Variants in MTOR observed in about 807,000 individuals in gnomAD.
MTOR encodes serine/threonine-protein kinase mTOR.
Under a neutral mutation model 319.8 loss-of-function variants are expected in MTOR, and 70 were observed. The ratio of observed to expected loss-of-function variants is 0.22; its 90% CI spans 0.18 to 0.27. The LOEUF is 0.27. Among genes scored for constraint, MTOR ranks in the 10% least tolerant of loss-of-function variants. The pLI is 1.00. For synonymous variants in MTOR, 1,183 were observed against 1,211.4 expected (o/e 0.98, Z 0.49); for missense variants, 1,890 against 3,274.4 (o/e 0.58, Z 10.32).
chr1:11,194,901 T>G, intron 28 of MTOR: 2 of 1,614,166 alleles, frequency 1.2e-6, no homozygotes, highest in South Asian at 2.2e-5. Context: ...CAATGGAGTG[T>G]ACTACCGCCT....
At chr1:11,152,871 C>T (rs1644195686) in intron 30 of MTOR, among the ~76,000 whole-genome samples, 2 of 152,194 alleles carry the variant, frequency 1.3e-5, no homozygotes, top group South Asian at 2.1e-4. Context: ...TCTTTCGACT[C>T]GTTTTAAAAC....
chr1:11,253,576 G>A (rs566503001), intron 6 of MTOR, among the ~76,000 whole-genome samples: 1 of 152,132 alleles, frequency 6.6e-6, no homozygotes, highest in South Asian at 2.1e-4. Flanking sequence ...TAGCTCCTTC[G>A]TGTCATGTGG....
At chr1:11,163,355 C>T (rs902178723) in intron 29 of MTOR, among the ~76,000 whole-genome samples, 10 of 152,198 alleles carry the variant, frequency 6.6e-5, no homozygotes, top group African/African-American at 2.4e-4. Flanking sequence ...TAACACCCCA[C>T]TGTCAACATT....
At chr1:11,159,715 C>T (rs187409789) in intron 29 of MTOR, among the ~76,000 whole-genome samples, 3 of 151,764 alleles carry the variant, frequency 2.0e-5, no homozygotes, top group Non-Finnish European at 4.4e-5. Context: ...AATTTACTAG[C>T]CCTTCTGTGA....
In MTOR at chr1:11,129,855, G is replaced by A. The variant is rs558119577; in HGVS notation, c.5614-17C>T. On this transcript the variant is annotated splice_polypyrimidine_tract_variant and intron_variant, in intron 39 of 57. Coordinates refer to ENST00000361445, the MANE Select transcript of MTOR (RefSeq NM_004958.4). The surrounding 1 kb of genome is among the most constrained non-coding windows in gnomAD (Gnocchi z 4.7). ...GGACAGATCCTGTTGGAACACACAC[G>A]TGTTAGCGACACTCTTGCCTCTGCT... 8.1e-6 allele frequency: 13 copies of A among 1,608,048 alleles called. No homozygotes were observed. Among genetic ancestry groups the A allele is most frequent in the South Asian group, 6.6e-5 (6 of 90,874 alleles).
chr1:11,134,469 G>GT lies in MTOR; in HGVS notation c.5131-4dup. ...TGCATGTGCTGGAAGGCATCGATCT[G>GT]TAACAGGACAAAGGCACAGAGAGCC... On this transcript the variant is annotated splice_polypyrimidine_tract_variant and splice_region_variant and intron_variant, in intron 36 of 57. Coordinates refer to ENST00000361445, the MANE Select transcript of MTOR (RefSeq NM_004958.4). The GT allele has an allele frequency of 1.2e-6, 2 of 1,613,970 alleles. No individual in the cohort carries two copies. Among genetic ancestry groups the GT allele is most frequent in the Non-Finnish European group, 8.5e-7 (1 of 1,179,868 alleles).
chr1:11,172,557 C>CAAAA (rs767483973), intron 28 of MTOR, among the ~76,000 whole-genome samples: 1,289 of 56,278 alleles, frequency 0.023, 10 homozygotes, highest in Non-Finnish European at 0.039. Flanking sequence ...GACTCTGTCT[C>CAAAA]AAAAAAAAAA....
At chr1:11,137,283 A>T (rs1002836285) in intron 36 of MTOR, among the ~76,000 whole-genome samples, 6 of 151,932 alleles carry the variant, frequency 3.9e-5, no homozygotes, top group African/African-American at 1.5e-4. Flanking sequence ...CTCTGATGGT[A>T]GGTGCTTTTC....
intron 47 of MTOR, among the ~76,000 whole-genome samples, chr1:11,123,879 C>A (rs1036130348): frequency 1.3e-5 from 2 of 152,078 alleles, no homozygotes; most frequent in African/African-American, 2.4e-5. Flanking sequence ...CCTCCGCCTC[C>A]CAGGTTCAAG....
chr1:11,246,426 G>C (rs977649916), intron 8 of MTOR, among the ~76,000 whole-genome samples: 4 of 152,224 alleles, frequency 2.6e-5, no homozygotes, highest in African/African-American at 9.6e-5. Flanking sequence ...GAGAAAAGCT[G>C]CTGGGTGCCA....
At chr1:11,195,700 G>C (rs536751630) in intron 28 of MTOR, 51 of 152,784 alleles carry the variant, frequency 3.3e-4, no homozygotes, top group African/African-American at 1.2e-3. Context: ...ACCAGCAGGA[G>C]GTGGACAGAG....
intron 28 of MTOR, among the ~76,000 whole-genome samples, chr1:11,176,343 G>A (rs892020806): frequency 1.3e-5 from 2 of 152,196 alleles, no homozygotes; most frequent in African/African-American, 4.8e-5. Context: ...TCAGAGCAAA[G>A]TGATGCAAGC....
At chr1:11,244,532 G>C (rs1360256283) in intron 8 of MTOR, among the ~76,000 whole-genome samples, 1 of 151,898 alleles carries the variant, frequency 6.6e-6, no homozygotes, top group African/African-American at 2.4e-5. Flanking sequence ...TCGGAAGGCT[G>C]ACGCAGGAGA....
chr1:11,157,353 T>A, intron 29 of MTOR, 62 bp from the exon 30 acceptor site: 1 of 1,556,228 alleles, frequency 6.4e-7, no homozygotes, highest in Non-Finnish European at 8.7e-7. Flanking sequence ...CATTGTTTAA[T>A]CCACATACTC....
chr1:11,139,242 G>A (rs1557765303), intron 36 of MTOR, 62 bp downstream of exon 36: 1 of 1,541,996 alleles, frequency 6.5e-7, no homozygotes, highest in Non-Finnish European at 8.7e-7. Flanking sequence ...GAGGCAGAGC[G>A]AAGCAGATTA....
chr1:11,238,968 G>T (rs1569746815), intron 11 of MTOR, among the ~76,000 whole-genome samples: 2 of 149,498 alleles, frequency 1.3e-5, no homozygotes, highest in South Asian at 2.1e-4. Context: ...TAGAGACAGC[G>T]TTTCACCATG....
At chr1:11,156,331 G>C (rs1644317940) in intron 30 of MTOR, among the ~76,000 whole-genome samples, 1 of 152,188 alleles carries the variant, frequency 6.6e-6, no homozygotes. Context: ...GTTTAACAAT[G>C]ATAGTATAGC....
chr1:11,254,956 G>T (rs1256471164), intron 5 of MTOR, among the ~76,000 whole-genome samples: 1 of 151,942 alleles, frequency 6.6e-6, no homozygotes, highest in Non-Finnish European at 1.5e-5. Context: ...GTAGAGACGG[G>T]ATCCCACATG....
In MTOR at chr1:11,139,339, C is replaced by T. The variant is rs759914666; in HGVS notation, c.5095G>A (p.Ala1699Thr). Residue 1699 changes from alanine to threonine, a missense_variant, in exon 36 of 58, where the codon GCC becomes ACC. Physicochemically the swap from Ala to Thr is moderately conservative, Grantham distance 58 (BLOSUM62 0). This residue lies in a region of MTOR where 276 missense variants were observed against 459.4 expected (regional missense o/e 0.60). Transcript: ENST00000361445. ...LPTVHPQVTY[A>T]YMKNMWKSAR... ...CTCTTCCACATGTTTTTCATGTAGG[C>T]ATAGGTCACCTGAGGGTGAACTGTT... 1.2e-6 allele frequency: 2 copies of T among 1,612,248 alleles called. No individual in the cohort carries two copies. The highest frequency in any genetic ancestry group is 2.2e-5 in the East Asian group (1 of 44,878).
Sources: gnomAD v4.1 joint callset for allele counts (sites outside exome capture counted in the v4.1 genomes callset) on GRCh38, gnomAD v4.1.1 for gene constraint, gnomAD v4.1.1 regional missense constraint, Gnocchi (gnomAD v3.1) non-coding constraint, MANE v1.5 for transcripts, NCBI Gene and HGNC (gene_info 2026-07-23, HGNC 2026-07-21) for gene names.